The following RNF125 variants were observed in gnomAD, a reference collection of about 807,000 sequenced individuals.
The protein encoded by RNF125 is E3 ubiquitin-protein ligase RNF125.
Under a neutral mutation model 26.0 loss-of-function variants are expected in RNF125, and 21 were observed. The ratio of observed to expected loss-of-function variants is 0.81; its 90% CI spans 0.57 to 1.16. RNF125 has a LOEUF of 1.16. RNF125 is among the 50% of genes most tolerant of loss of function. RNF125 has a pLI of 0.00. For synonymous variants in RNF125, 95 were observed against 109.2 expected (o/e 0.87, Z 0.81); for missense variants, 270 against 299.4 (o/e 0.90, Z 0.72).
At chr18:32,074,265 A>G (rs181247349), downstream of RNF125, among the ~76,000 whole-genome samples, 1 of 152,290 alleles carries the variant, frequency 6.6e-6, no homozygotes, top group East Asian at 1.9e-4. Flanking sequence ...CTACACAGGT[A>G]ATTTCTGTTC....
intron 4 of RNF125, among the ~76,000 whole-genome samples, chr18:32,051,968 G>A (rs563697350): frequency 2.0e-5 from 3 of 151,864 alleles, no homozygotes; most frequent in South Asian, 2.1e-4. Context: ...GATTACAGGC[G>A]TGAGCCACCA....
At chr18:32,073,508 G>A (rs1458301534), downstream of RNF125, among the ~76,000 whole-genome samples, 1 of 152,178 alleles carries the variant, frequency 6.6e-6, no homozygotes, top group Non-Finnish European at 1.5e-5. Flanking sequence ...AATGGCAATA[G>A]TGCCTAGGCT....
intron 5 of RNF125, among the ~76,000 whole-genome samples, chr18:32,067,122 G>T (rs2039491901): frequency 6.6e-6 from 1 of 152,108 alleles, no homozygotes; most frequent in Non-Finnish European, 1.5e-5. Context: ...GCATGGTGGC[G>T]GGCGCCTGTG....
intron 1 of RNF125, among the ~76,000 whole-genome samples, chr18:32,022,295 A>T (rs1325010191): frequency 5.3e-5 from 8 of 152,202 alleles, no homozygotes; most frequent in African/African-American, 1.9e-4. Flanking sequence ...TATAAGTTGT[A>T]TTGTGATGCA....
intron 5 of RNF125, among the ~76,000 whole-genome samples, chr18:32,067,184 C>T (rs951938731): frequency 1.2e-4 from 18 of 152,286 alleles, no homozygotes; most frequent in South Asian, 6.2e-4. Context: ...ACTCGGGAGG[C>T]GGAGCTTGCA....
chr18:32,063,067 A>T (rs948910161), intron 4 of RNF125, among the ~76,000 whole-genome samples: 1 of 151,988 alleles, frequency 6.6e-6, no homozygotes, highest in African/African-American at 2.4e-5. Flanking sequence ...TAAAAATACA[A>T]AAATTAGCTG....
intron 1 of RNF125, 144 bp downstream of exon 1, chr18:32,019,171 A>T (rs1366928740): frequency 1.0e-6 from 1 of 972,644 alleles, no homozygotes; most frequent in African/African-American, 1.7e-5. Flanking sequence ...CGTCGGATGC[A>T]GGACCACGGG....
chr18:32,064,531 T>C (rs1389072825), intron 4 of RNF125, among the ~76,000 whole-genome samples: 1 of 149,260 alleles, frequency 6.7e-6, no homozygotes, highest in African/African-American at 2.5e-5. Flanking sequence ...AACATGAGAT[T>C]TGGGTGGGGA....
At chr18:32,037,488 G>A (rs2039170228) in intron 2 of RNF125, among the ~76,000 whole-genome samples, 1 of 146,024 alleles carries the variant, frequency 6.8e-6, no homozygotes, top group African/African-American at 2.5e-5. Flanking sequence ...TCTCCTGCCC[G>A]CAGCTTCTCG....
intron 4 of RNF125, among the ~76,000 whole-genome samples, chr18:32,059,272 C>T (rs767279538): frequency 9.8e-5 from 15 of 152,296 alleles, no homozygotes; most frequent in Middle Eastern, 3.4e-3. Context: ...TCCACATCCT[C>T]GTCAGCATCT....
chr18:32,085,857 C>CAAAAAG, the RNF125 span, among the ~76,000 whole-genome samples: 1 of 151,848 alleles, frequency 6.6e-6, no homozygotes, highest in Admixed American at 6.6e-5. Flanking sequence ...TCAGCTCCAA[C>CAAAAAG]AAAAAGAGCA....
rs2038959426 is a variant in RNF125 at position 32,019,016 on chromosome 18, C to T, written c.153C>T (p.Arg51=). The T allele has an allele frequency of 3.1e-6, 5 of 1,612,684 alleles. No homozygotes were observed. Among genetic ancestry groups the T allele is most frequent in the African/African-American group, 1.3e-5 (1 of 74,776 alleles). ...LEVLHQPVRT[R]CGHVFCRSCI... ...TGTTACACCAGCCTGTCCGGACCCG[C>T]TGTGGCCACGTGTAAGTTCCAGGGG... Residue 51 remains arginine (R), a synonymous_variant, in exon 1 of 6, where the codon CGC becomes CGT. Coordinates refer to ENST00000217740, the MANE Select transcript of RNF125 (RefSeq NM_017831.4).
chr18:32,058,176 A>G (rs1192011551), intron 4 of RNF125, among the ~76,000 whole-genome samples: 2 of 151,504 alleles, frequency 1.3e-5, no homozygotes, highest in Non-Finnish European at 2.9e-5. Flanking sequence ...AGTGAGAAGT[A>G]TGACCATATA....
At chr18:32,033,072 A>G (rs2039114882) in intron 1 of RNF125, among the ~76,000 whole-genome samples, 1 of 152,188 alleles carries the variant, frequency 6.6e-6, no homozygotes, top group South Asian at 2.1e-4. Context: ...GAGGAGCCCC[A>G]TCTCAGTGGC....
intron 4 of RNF125, among the ~76,000 whole-genome samples, chr18:32,050,358 C>T (rs779217872): frequency 1.3e-5 from 2 of 152,160 alleles, no homozygotes; most frequent in Non-Finnish European, 2.9e-5. Flanking sequence ...CTCGCTCTGT[C>T]ACCCAGGCCG....
chr18:32,055,484 G>A (rs1168455414), intron 4 of RNF125, among the ~76,000 whole-genome samples: 1 of 152,102 alleles, frequency 6.6e-6, no homozygotes, highest in East Asian at 1.9e-4. Context: ...CAGGAATTAT[G>A]GCAGAAGGCA....
intron 4 of RNF125, among the ~76,000 whole-genome samples, chr18:32,065,315 G>A (rs1228941267): frequency 6.6e-6 from 1 of 152,102 alleles, no homozygotes; most frequent in Non-Finnish European, 1.5e-5. Flanking sequence ...TCGGCTCACT[G>A]AAACCTCCGC....
chr18:32,056,891 G>C (rs1315269336), intron 4 of RNF125, among the ~76,000 whole-genome samples: 3 of 152,082 alleles, frequency 2.0e-5, no homozygotes, highest in African/African-American at 7.2e-5. Context: ...ATACATAATA[G>C]ACATACAGCA....
At chr18:32,026,581 G>A (rs1168121310) in intron 1 of RNF125, among the ~76,000 whole-genome samples, 1 of 152,048 alleles carries the variant, frequency 6.6e-6, no homozygotes, top group Non-Finnish European at 1.5e-5. Context: ...AATGGTAGCT[G>A]TGGCATTTCA....
Sources: gnomAD v4.1 joint callset for allele counts (sites outside exome capture counted in the v4.1 genomes callset) on GRCh38, gnomAD v4.1.1 for gene constraint, MANE v1.5 for transcripts, NCBI Gene and HGNC (gene_info 2026-07-23, HGNC 2026-07-21) for gene names.